Variants in DPP10 observed in about 807,000 individuals in gnomAD.
The protein encoded by DPP10 is inactive dipeptidyl peptidase 10.
Under a neutral mutation model 120.9 loss-of-function variants are expected in DPP10, and 33 were observed. The ratio of observed to expected loss-of-function variants is 0.27; its 90% CI spans 0.21 to 0.37. The LOEUF (loss-of-function observed/expected upper bound fraction) is 0.37. Ranked by LOEUF, DPP10 falls within the 10% of genes least tolerant of loss-of-function variation. The probability of loss-of-function intolerance (pLI) is 1.00; values close to 1 mark genes in which losing one functional copy is unlikely to be tolerated. For missense variants in DPP10, 816 were observed against 942.8 expected (o/e 0.87, Z 1.76); for synonymous variants, 337 against 326.1 (o/e 1.03, Z -0.36).
intron 5 of DPP10, among the ~76,000 whole-genome samples, chr2:115,591,363 G>A (rs901886282): frequency 9.9e-5 from 15 of 152,082 alleles, no homozygotes; most frequent in Non-Finnish European, 1.6e-4. Flanking sequence ...AGTTTCAGCT[G>A]TCTACATATG....
At chr2:114,734,850 G>C (rs760509063) in intron 1 of DPP10, among the ~76,000 whole-genome samples, 6 of 152,168 alleles carry the variant, frequency 3.9e-5, no homozygotes, top group Non-Finnish European at 5.9e-5. Context: ...CCACAGACTA[G>C]ATGAGTTAAA....
At chr2:115,221,586 T>G (rs2057163033) in intron 1 of DPP10, among the ~76,000 whole-genome samples, 2 of 152,078 alleles carry the variant, frequency 1.3e-5, no homozygotes, top group Admixed American at 6.6e-5. Context: ...GACCTCTTCT[T>G]TAGAGTATTT....
chr2:114,887,200 T>C (rs1161219615), intron 1 of DPP10, among the ~76,000 whole-genome samples: 3 of 152,192 alleles, frequency 2.0e-5, no homozygotes, highest in Non-Finnish European at 4.4e-5. Context: ...CCAAACACTT[T>C]GGATATTGGG....
chr2:115,834,466 C>T (rs1333504390), intron 21 of DPP10, among the ~76,000 whole-genome samples: 1 of 151,488 alleles, frequency 6.6e-6, no homozygotes, highest in Non-Finnish European at 1.5e-5. Context: ...GAGAGTAGGG[C>T]TGAAAATTAA....
chr2:114,576,140 G>T (rs1425870508), intron 1 of DPP10, among the ~76,000 whole-genome samples: 1 of 152,180 alleles, frequency 6.6e-6, no homozygotes, highest in East Asian at 1.9e-4. Context: ...GTGGTGGTGG[G>T]ATATCAAAGT....
intron 5 of DPP10, among the ~76,000 whole-genome samples, chr2:115,526,629 G>A (rs1274336800): frequency 6.6e-6 from 1 of 152,108 alleles, no homozygotes; most frequent in Non-Finnish European, 1.5e-5. Flanking sequence ...ATGTTGGAAA[G>A]CCAATTCAGC....
intron 1 of DPP10, among the ~76,000 whole-genome samples, chr2:114,955,954 A>G (rs1698171451): frequency 6.6e-6 from 1 of 152,222 alleles, no homozygotes; most frequent in South Asian, 2.1e-4. Flanking sequence ...TCAACATGAT[A>G]AAGGCCATAT....
rs1574339536 is a variant in DPP10, at chr2:114,850,714, A to G, written c.60+407876A>G. On this transcript the variant is annotated intron_variant, in intron 1 of 25. Transcript: ENST00000410059. ...ATGGGGAGTCCACTTCTCTCTATAG[A>G]TACCATAACCAGTTCAAAAAGGAAC... Among the ~76,000 whole-genome samples the G allele has an allele frequency of 2.0e-5, 3 of 152,288 alleles. No homozygotes were observed. In the East Asian group the frequency reaches 5.8e-4, roughly 29 times the overall value.
At position 115,542,241 on chromosome 2, in the gene DPP10, T is replaced by A. The variant is rs1232377865; in HGVS notation, c.441+16269T>A. Reference sequence around the variant, plus strand: ...TTTGCTTCCCCTTTATACTCACATCTCTGGCTACTTATCTAATTTCTGGCA... The same window carrying A: ...TTTGCTTCCCCTTTATACTCACATCACTGGCTACTTATCTAATTTCTGGCA... On this transcript the variant is annotated intron_variant, in intron 5 of 25. Coordinates refer to ENST00000410059, the MANE Select transcript of DPP10 (RefSeq NM_020868.6). Among the ~76,000 whole-genome samples, 11 of 151,978 alleles carry A rather than the reference T, an allele frequency of 7.2e-5. No homozygotes were observed. In the Admixed American group the frequency reaches 7.2e-4, roughly 10 times the overall value.
intron 1 of DPP10, among the ~76,000 whole-genome samples, chr2:115,003,258 C>A (rs553899454): frequency 2.7e-5 from 4 of 147,264 alleles, no homozygotes; most frequent in Admixed American, 1.4e-4. Context: ...GGCAAACAAA[C>A]AAAGGAACAA....
chr2:115,379,326 T>G (rs2066092028), intron 3 of DPP10, among the ~76,000 whole-genome samples: 1 of 152,250 alleles, frequency 6.6e-6, no homozygotes, highest in Non-Finnish European at 1.5e-5. Context: ...CTAGATTTTC[T>G]AGTTTATTTG....
intron 5 of DPP10, among the ~76,000 whole-genome samples, chr2:115,640,068 A>G (rs1211837230): frequency 6.6e-6 from 1 of 151,812 alleles, no homozygotes; most frequent in Non-Finnish European, 1.5e-5. Context: ...ATTTAGATCT[A>G]CTTGACTCCA....
chr2:115,323,942 G>A (rs1186921102), intron 2 of DPP10, among the ~76,000 whole-genome samples: 1 of 152,140 alleles, frequency 6.6e-6, no homozygotes, highest in Non-Finnish European at 1.5e-5. Context: ...TCTGAGGATA[G>A]TAAATGAGCC....
intron 2 of DPP10, among the ~76,000 whole-genome samples, chr2:115,325,042 G>C (rs1040013943): frequency 6.6e-6 from 1 of 151,988 alleles, no homozygotes; most frequent in Non-Finnish European, 1.5e-5. Context: ...TGGCATCAAA[G>C]ATCCCTGATC....
intron 5 of DPP10, among the ~76,000 whole-genome samples, chr2:115,592,276 G>A (rs2082707906): frequency 6.6e-6 from 1 of 152,144 alleles, no homozygotes; most frequent in African/African-American, 2.4e-5. Flanking sequence ...TAGTTGTAAG[G>A]CAGGTTATAA....
At chr2:115,791,024 C>T in intron 17 of DPP10, 57 bp from the exon 18 acceptor site, 1 of 1,282,290 alleles carries the variant, frequency 7.8e-7, no homozygotes, top group South Asian at 1.3e-5. Context: ...TTGTGTCACA[C>T]TGATTCTGTT....
At chr2:115,162,443 G>A (rs934498178) in intron 1 of DPP10, among the ~76,000 whole-genome samples, 1 of 152,156 alleles carries the variant, frequency 6.6e-6, no homozygotes, top group Non-Finnish European at 1.5e-5. Flanking sequence ...TCCTATAGCC[G>A]GGGCGCTCGC....
chr2:115,252,559 T>C (rs2058800883), intron 1 of DPP10, among the ~76,000 whole-genome samples: 1 of 152,220 alleles, frequency 6.6e-6, no homozygotes, highest in Admixed American at 6.5e-5. Context: ...TGATTAATTA[T>C]GATTTATTGA....
At chr2:114,460,524 T>A (rs1369483454) in intron 1 of DPP10, among the ~76,000 whole-genome samples, 1 of 152,152 alleles carries the variant, frequency 6.6e-6, no homozygotes, top group Non-Finnish European at 1.5e-5. Flanking sequence ...CTGAGTAAAT[T>A]CACAATTTAA....
Sources: allele counts gnomAD v4.1 joint callset (sites outside exome capture counted in the v4.1 genomes callset), GRCh38; gene constraint gnomAD v4.1.1; transcripts MANE v1.5; gene names NCBI Gene and HGNC (gene_info 2026-07-23, HGNC 2026-07-21).